Variants in ATG7 observed in about 807,000 individuals in gnomAD.
ATG7 encodes the protein autophagy related 7.
In ATG7, 70 loss-of-function variants were observed where a neutral mutation model predicts 82.4. That is an observed-to-expected ratio of 0.85 (90% CI 0.70 to 1.04). The LOEUF (loss-of-function observed/expected upper bound fraction) is 1.04. Among genes scored for constraint, ATG7 ranks in the 50% least tolerant of loss-of-function variants. The pLI, the probability that ATG7 is intolerant of heterozygous loss-of-function variation, is 0.00. For synonymous variants in ATG7, 287 were observed against 313.0 expected (o/e 0.92, Z 0.88); for missense variants, 792 against 864.3 (o/e 0.92, Z 1.05).
intron 20 of ATG7, among the ~76,000 whole-genome samples, chr3:11,525,721 A>C (rs1183162438): frequency 1.3e-5 from 2 of 151,524 alleles, no homozygotes; most frequent in Admixed American, 1.3e-4. Context: ...CACCTGGCTA[A>C]TTTTTTGTAT....
chr3:11,374,513 G>T (rs1181324867), intron 18 of ATG7, among the ~76,000 whole-genome samples: 2 of 152,114 alleles, frequency 1.3e-5, no homozygotes, highest in Non-Finnish European at 2.9e-5. Flanking sequence ...TATGAACTTG[G>T]ATTAGACAAT....
rs34865634 is a variant in ATG7, at chr3:11,411,977, CT to C, written c.1957-14816del. ...AGTATCATTCATTCAAAAGACTGTCCTTTTTTTTTTTACTGAAACACCAGGG... is the reference window on the plus strand; with the variant it reads ...AGTATCATTCATTCAAAAGACTGTCCTTTTTTTTTTACTGAAACACCAGGG... On this transcript the variant is annotated intron_variant, in intron 19 of 20. Coordinates refer to ENST00000693202, the MANE Select transcript of ATG7 (RefSeq NM_001349232.2). Among the ~76,000 whole-genome samples the C allele has an allele frequency of 4.6e-3, 677 of 147,640 alleles. 4 individuals are homozygous for C. Among genetic ancestry groups the C allele is most frequent in the African/African-American group, 0.015 (623 of 40,290 alleles).
chr3:11,464,586 G>A (rs548509801), intron 20 of ATG7, among the ~76,000 whole-genome samples: 10 of 152,172 alleles, frequency 6.6e-5, no homozygotes, highest in Admixed American at 3.9e-4. Context: ...CTTGTTTCTT[G>A]CCAAACCTGG....
intron 5 of ATG7, among the ~76,000 whole-genome samples, chr3:11,305,371 G>A (rs988520554): frequency 6.6e-6 from 1 of 152,168 alleles, no homozygotes; most frequent in African/African-American, 2.4e-5. Context: ...CACAAAATGA[G>A]GCTTTGGTAT....
chr3:11,434,495 T>A (rs952260639), intron 20 of ATG7, among the ~76,000 whole-genome samples: 3 of 152,200 alleles, frequency 2.0e-5, no homozygotes, highest in Admixed American at 6.5e-5. Flanking sequence ...AGACACAGCC[T>A]TGGCCCTCTC....
chr3:11,371,965 G>A (rs1483377271), intron 18 of ATG7, among the ~76,000 whole-genome samples: 2 of 151,304 alleles, frequency 1.3e-5, no homozygotes, highest in South Asian at 2.1e-4. Context: ...GGAACAGCCC[G>A]GGAGCGAGGC....
intron 19 of ATG7, among the ~76,000 whole-genome samples, chr3:11,420,736 TTAAG>T (rs2081858716): frequency 6.6e-6 from 1 of 151,772 alleles, no homozygotes. Context: ...CATGCATACC[TTAAG>T]TAATACAAAA....
At chr3:11,415,847 A>T in intron 19 of ATG7, among the ~76,000 whole-genome samples, 1 of 152,140 alleles carries the variant, frequency 6.6e-6, no homozygotes, top group Non-Finnish European at 1.5e-5. Flanking sequence ...TAAACATAAC[A>T]TAGTTGATTA....
chr3:11,312,895 T>C (rs1005897901), intron 7 of ATG7, among the ~76,000 whole-genome samples: 2 of 152,222 alleles, frequency 1.3e-5, no homozygotes, highest in African/African-American at 4.8e-5. Context: ...TCTCTGCCCC[T>C]TGCCATCTTT....
chr3:11,480,192 A>G (rs1036339585), intron 20 of ATG7, among the ~76,000 whole-genome samples: 16 of 151,992 alleles, frequency 1.1e-4, no homozygotes, highest in African/African-American at 3.4e-4. Context: ...TGGCCTCCCA[A>G]AGTGCTGGGA....
intron 20 of ATG7, among the ~76,000 whole-genome samples, chr3:11,441,366 C>T (rs889459085): frequency 5.9e-5 from 9 of 151,962 alleles, no homozygotes; most frequent in Non-Finnish European, 8.8e-5. Context: ...CTCAACCTCC[C>T]GAATAGCTGG....
chr3:11,519,295 C>T (rs1388145596), intron 20 of ATG7, among the ~76,000 whole-genome samples: 1 of 152,074 alleles, frequency 6.6e-6, no homozygotes, highest in African/African-American at 2.4e-5. Flanking sequence ...CTATCATAAT[C>T]CCCATTTTAA....
rs760088614 is a variant in ATG7, at chr3:11,298,736, A to G, written c.41A>G (p.Gln14Arg). 3.7e-6 allele frequency: 6 copies of G among 1,614,082 alleles called. No homozygotes were observed. Among genetic ancestry groups the G allele is most frequent in the South Asian group, 1.1e-5 (1 of 91,082 alleles). Residue 14 changes from glutamine (Q) to arginine (R), a missense_variant, in exon 4 of 21, where the codon CAG becomes CGG. By Grantham distance (43) the Gln-to-Arg change is conservative (BLOSUM62 1). Transcript: ENST00000693202. ...GGGGATCCTGGACTCTCTAAACTGC[A>G]GTTTGCCCCTTTTAGTAGTGCCTTG... ...ATGDPGLSKL[Q>R]FAPFSSALDV... is the part of the protein sequence containing the mutation.
intron 19 of ATG7, among the ~76,000 whole-genome samples, chr3:11,387,257 C>A (rs1226314952): frequency 1.3e-5 from 2 of 152,210 alleles, no homozygotes; most frequent in South Asian, 4.1e-4. Context: ...AGAAACCTTC[C>A]GTTCATGTCT....
the ATG7 span, chr3:11,564,657 G>A: frequency 1.3e-5 from 11 of 831,538 alleles, no homozygotes; most frequent in Middle Eastern, 7.3e-4. Flanking sequence ...GAGGCGAAGG[G>A]TGGCATCCCT....
intron 20 of ATG7, among the ~76,000 whole-genome samples, chr3:11,472,142 A>G (rs115524897): frequency 0.011 from 1,722 of 152,280 alleles, 32 homozygotes; most frequent in African/African-American, 0.039. Flanking sequence ...ATGAGAATGT[A>G]TTTGTTCTTA....
At chr3:11,502,806 A>G (rs2091438393) in intron 20 of ATG7, among the ~76,000 whole-genome samples, 1 of 152,034 alleles carries the variant, frequency 6.6e-6, no homozygotes, top group Admixed American at 6.6e-5. Context: ...TAAATAGGAG[A>G]GTTGGTTGAA....
chr3:11,369,568 G>A (rs2076857835), intron 18 of ATG7, among the ~76,000 whole-genome samples: 1 of 151,154 alleles, frequency 6.6e-6, no homozygotes, highest in Non-Finnish European at 1.5e-5. Context: ...TGTATCCCAA[G>A]CCATTTGGAT....
chr3:11,490,882 T>G (rs2153046948), intron 20 of ATG7, among the ~76,000 whole-genome samples: 1 of 152,322 alleles, frequency 6.6e-6, no homozygotes, highest in Admixed American at 6.5e-5. Context: ...TAACCTGACC[T>G]TTCTCTCTGG....
Sources: gnomAD v4.1 joint callset for allele counts (sites outside exome capture counted in the v4.1 genomes callset) on GRCh38, gnomAD v4.1.1 for gene constraint, MANE v1.5 for transcripts, NCBI Gene and HGNC (gene_info 2026-07-23, HGNC 2026-07-21) for gene names.